The following CAPSL variants were observed in gnomAD, a reference collection of about 807,000 sequenced individuals.
CAPSL encodes the protein calcyphosin-like protein.
In CAPSL, 17 loss-of-function variants were observed where a neutral mutation model predicts 21.3. The observed-to-expected ratio is 0.80, with a 90% CI of 0.55 to 1.20. CAPSL has a LOEUF of 1.20. Among genes scored for constraint, CAPSL ranks in the 50% most tolerant of loss-of-function variants. The pLI is 0.00. For synonymous variants in CAPSL, 102 were observed against 89.3 expected, an observed-to-expected ratio of 1.14 and a Z score of -0.80; for missense variants, 289 against 259.3, an observed-to-expected ratio of 1.11 and a Z score of -0.79.
intron 1 of CAPSL, among the ~76,000 whole-genome samples, chr5:35,938,323 AG>A (rs1276337802): frequency 6.6e-6 from 1 of 152,100 alleles, no homozygotes; most frequent in Non-Finnish European, 1.5e-5. Context: ...TTTTTATCTA[AG>A]CATTTTTTTT....
intron 1 of CAPSL, among the ~76,000 whole-genome samples, chr5:35,923,753 G>A (rs1738598276): frequency 6.6e-6 from 1 of 152,058 alleles, no homozygotes; most frequent in Non-Finnish European, 1.5e-5. Flanking sequence ...GGGGTGGGAG[G>A]GCCAGTGGGG....
chr5:35,917,574 G>A (rs1175567750), intron 2 of CAPSL, among the ~76,000 whole-genome samples: 2 of 152,132 alleles, frequency 1.3e-5, no homozygotes, highest in Non-Finnish European at 2.9e-5. Context: ...TAGGGACATG[G>A]ATGAAGCTGG....
intron 1 of CAPSL, among the ~76,000 whole-genome samples, chr5:35,924,118 T>C (rs1738607659): frequency 6.6e-6 from 1 of 152,208 alleles, no homozygotes; most frequent in Non-Finnish European, 1.5e-5. Context: ...ACTACTATTA[T>C]TGGTATTTCA....
At chr5:35,933,896 A>T (rs1738879999) in intron 1 of CAPSL, among the ~76,000 whole-genome samples, 1 of 152,324 alleles carries the variant, frequency 6.6e-6, no homozygotes, top group East Asian at 1.9e-4. Context: ...GCTGAGTGGC[A>T]ATGGAATTAT....
At chr5:35,937,956 G>T (rs563309927) in intron 1 of CAPSL, among the ~76,000 whole-genome samples, 1 of 152,160 alleles carries the variant, frequency 6.6e-6, no homozygotes, top group Non-Finnish European at 1.5e-5. Context: ...AGAACGTAAA[G>T]GACCCCCTCA....
chr5:35,917,876 A>AT lies in CAPSL; in HGVS notation c.137+3107dup, dbSNP rs201639255. Among the ~76,000 whole-genome samples the AT allele has an allele frequency of 7.9e-3, 1,205 of 151,918 alleles. 24 individuals are homozygous for AT. The highest frequency in any genetic ancestry group is 0.028 in the African/African-American group (1,150 of 41,260). On this transcript the variant is annotated intron_variant, in intron 2 of 4. Coordinates refer to ENST00000651391, the MANE Select transcript of CAPSL (RefSeq NM_001042625.2). Reference sequence around the variant, plus strand: ...AAACTTAAAGTATAATAATAATAAAATTTTAAAAAAAAGCTTATCGTCATT... The same window carrying AT: ...AAACTTAAAGTATAATAATAATAAAATTTTTAAAAAAAAGCTTATCGTCATT...
chr5:35,905,994 GAT>G (rs1760667054), intron 4 of CAPSL, among the ~76,000 whole-genome samples: 1 of 152,158 alleles, frequency 6.6e-6, no homozygotes, highest in Admixed American at 6.5e-5. Context: ...AGATAATTAA[GAT>G]AAAGTCTCAG....
At chr5:35,925,369 G>T (rs904448551) in intron 1 of CAPSL, among the ~76,000 whole-genome samples, 10 of 152,186 alleles carry the variant, frequency 6.6e-5, no homozygotes, top group Admixed American at 6.5e-4. Flanking sequence ...TCGAGGCTGG[G>T]GACGTGGGGA....
intron 2 of CAPSL, among the ~76,000 whole-genome samples, chr5:35,916,678 C>T (rs1244048397): frequency 2.0e-5 from 3 of 152,192 alleles, no homozygotes; most frequent in Admixed American, 1.3e-4. Flanking sequence ...AAAGCTGAAA[C>T]TGGATCCCTT....
intron 2 of CAPSL, among the ~76,000 whole-genome samples, chr5:35,915,536 G>A (rs910210838): frequency 6.6e-6 from 1 of 152,098 alleles, no homozygotes; most frequent in African/African-American, 2.4e-5. Flanking sequence ...TTCATCCCTG[G>A]GATGCAAGGC....
chr5:35,933,616 G>A (rs1030033017), intron 1 of CAPSL, among the ~76,000 whole-genome samples: 1 of 152,180 alleles, frequency 6.6e-6, no homozygotes, highest in Non-Finnish European at 1.5e-5. Flanking sequence ...AAGGACTGAT[G>A]CTGTTTGTTA....
At chr5:35,910,806 A>G (rs1445897) in intron 2 of CAPSL, among the ~76,000 whole-genome samples, 64,494 of 152,072 alleles carry the variant, frequency 0.42, 14,904 homozygotes, top group East Asian at 0.74. Context: ...AGGTAAAGGA[A>G]AGAGTTGAAT....
At chr5:35,929,386 G>A (rs980265941) in intron 1 of CAPSL, among the ~76,000 whole-genome samples, 1 of 150,208 alleles carries the variant, frequency 6.7e-6, no homozygotes, top group East Asian at 2.0e-4. Context: ...TCCGCCTCCC[G>A]GGTTCAAGCA....
At chr5:35,931,037 C>A (rs1322981463) in intron 1 of CAPSL, among the ~76,000 whole-genome samples, 3 of 152,186 alleles carry the variant, frequency 2.0e-5, no homozygotes, top group African/African-American at 7.2e-5. Context: ...CATCGAGCTG[C>A]TGAACTAATG....
At chr5:35,931,829 A>C (rs1738834001) in intron 1 of CAPSL, among the ~76,000 whole-genome samples, 1 of 152,238 alleles carries the variant, frequency 6.6e-6, no homozygotes, top group African/African-American at 2.4e-5. Flanking sequence ...CCAACCAGGT[A>C]GCTTTCAAAT....
chr5:35,909,499 A>G (rs1463466678), intron 4 of CAPSL, among the ~76,000 whole-genome samples: 1 of 152,226 alleles, frequency 6.6e-6, no homozygotes, highest in Non-Finnish European at 1.5e-5. Context: ...ATATTTTATT[A>G]TAATCAGTTC....
chr5:35,927,858 G>A (rs1738724226), intron 1 of CAPSL, among the ~76,000 whole-genome samples: 1 of 152,158 alleles, frequency 6.6e-6, no homozygotes, highest in Non-Finnish European at 1.5e-5. Flanking sequence ...ACGGTAGATG[G>A]CAAAAACCCA....
Position 35,933,040 on chromosome 5 carries a change from C to T in CAPSL, c.-1+5501G>A, listed in dbSNP as rs570892641. 5.3e-5 allele frequency among the ~76,000 whole-genome samples: 8 copies of T among 152,282 alleles called. No homozygotes were observed. In the East Asian group the frequency reaches 1.4e-3, roughly 26 times the overall value. On this transcript the variant is annotated intron_variant, in intron 1 of 4. Transcript: ENST00000651391. The stretch of plus-strand genomic sequence containing the variant: ...ACGTGTATTTCTATATGGTCTGTGG[C>T]GGCTTTCACATTACAACTCAAAAGT...
chr5:35,921,334 A>G (rs1738533442), intron 1 of CAPSL, among the ~76,000 whole-genome samples: 1 of 152,168 alleles, frequency 6.6e-6, no homozygotes, highest in South Asian at 2.1e-4. Flanking sequence ...TCCAGCCTAG[A>G]CAATAATCTT....
Sources: gnomAD v4.1 joint callset for allele counts (sites outside exome capture counted in the v4.1 genomes callset) on GRCh38, gnomAD v4.1.1 for gene constraint, MANE v1.5 for transcripts, NCBI Gene and HGNC (gene_info 2026-07-23, HGNC 2026-07-21) for gene names.